IL12RB1: variants seen among roughly 807,000 people sequenced by gnomAD.
The protein encoded by IL12RB1 is interleukin-12 receptor subunit beta-1.
A neutral mutation model predicts 94.4 loss-of-function variants in IL12RB1; 64 were observed. The observed-to-expected ratio is 0.68, with a 90% CI of 0.55 to 0.83. The LOEUF (loss-of-function observed/expected upper bound fraction) is 0.83, where lower values mean the gene tolerates loss of function less well. Among genes scored for constraint, IL12RB1 ranks in the 40% least tolerant of loss-of-function variants. The pLI is 0.00. For missense variants in IL12RB1, 814 were observed against 855.6 expected (o/e 0.95, Z 0.61); for synonymous variants, 362 against 355.5 (o/e 1.02, Z -0.21).
At chr19:18,063,078 ATTTTTTTTTTTTTTTT>A (rs67262412) in intron 13 of IL12RB1, among the ~76,000 whole-genome samples, 96 of 51,462 alleles carry the variant, frequency 1.9e-3, no homozygotes, top group African/African-American at 8.1e-3. Context: ...TTCTTCTTCT[ATTTTTTTTTTTTTTTT>A]TTTTTTTTTT....
At chr19:18,091,840 G>A (rs911498784), upstream of IL12RB1, among the ~76,000 whole-genome samples, 3 of 149,670 alleles carry the variant, frequency 2.0e-5, no homozygotes, top group African/African-American at 7.4e-5. Flanking sequence ...TGAGACACAG[G>A]CCAATGCCAC....
intron 1 of IL12RB1, among the ~76,000 whole-genome samples, chr19:18,093,765 T>C (rs1338510562): frequency 2.6e-5 from 4 of 152,082 alleles, no homozygotes; most frequent in Non-Finnish European, 5.9e-5. Flanking sequence ...GTCAGAACAA[T>C]TGGCCATTGC....
intron 1 of IL12RB1, among the ~76,000 whole-genome samples, chr19:18,094,286 G>A (rs1030352546): frequency 6.6e-5 from 10 of 151,950 alleles, no homozygotes; most frequent in Admixed American, 3.3e-4. Flanking sequence ...GCCCCATTAC[G>A]CCCCCTTAAT....
intron 1 of IL12RB1, among the ~76,000 whole-genome samples, chr19:18,086,014 G>A (rs2036307500): frequency 6.6e-6 from 1 of 151,242 alleles, no homozygotes; most frequent in Admixed American, 6.6e-5. Context: ...CCAGGAGTTC[G>A]AGACCAGCCT....
rs1247403614 is a variant in IL12RB1 at position 18,084,046 on chromosome 19, C to T, written c.65-555G>A. 5.9e-5 allele frequency among the ~76,000 whole-genome samples: 8 copies of T among 135,452 alleles called. No homozygotes were observed. In the East Asian group the frequency reaches 7.6e-4, roughly 13 times the overall value. The allele number at this position is 135,452 out of a possible 152,430, so 88.9% of individuals were successfully genotyped here. A position where few individuals can be genotyped will look rare whatever the true frequency, so the allele number is the denominator to read the frequency against. The stretch of plus-strand genomic sequence containing the variant: ...ATCCATCCATCCATCCATCCATCCA[C>T]CCCACCATCCACCCATTTACCCATC... On this transcript the variant is annotated intron_variant, in intron 1 of 16. Transcript: ENST00000593993.
chr19:18,097,899 C>T (rs1417387300), intron 1 of IL12RB1: 5 of 1,158,164 alleles, frequency 4.3e-6, no homozygotes, highest in Non-Finnish European at 5.4e-6. Flanking sequence ...TGAAAGGTGC[C>T]GGGAGGGGCG....
chr19:18,087,785 A>G (rs2036437761), upstream of IL12RB1, among the ~76,000 whole-genome samples: 1 of 151,178 alleles, frequency 6.6e-6, no homozygotes, highest in Non-Finnish European at 1.5e-5. Flanking sequence ...GCCTACCAAA[A>G]TTCTGGGATC....
intron 1 of IL12RB1, among the ~76,000 whole-genome samples, chr19:18,093,343 T>G (rs2036723362): frequency 1.0e-5 from 1 of 95,602 alleles, no homozygotes; most frequent in Non-Finnish European, 2.3e-5. Flanking sequence ...TATATATATA[T>G]ATATACTTGT....
At chr19:18,068,650 C>A (rs575013704) in intron 10 of IL12RB1, 124 bp from the exon 11 acceptor site, 2 of 754,868 alleles carry the variant, frequency 2.6e-6, no homozygotes, top group Non-Finnish European at 4.7e-6. Context: ...AAAGCCCTTG[C>A]ACCAATATCC....
chr19:18,077,791 A>G, intron 4 of IL12RB1, 136 bp from the exon 5 acceptor site: 1 of 711,332 alleles, frequency 1.4e-6, no homozygotes, highest in South Asian at 1.5e-5. Flanking sequence ...GTCCCAGCTA[A>G]GCCTGGTATA....
Position 18,072,303 on chromosome 19 carries a change from C to T in IL12RB1, c.830G>A (p.Gly277Asp), listed in dbSNP as rs1419753903. 3.7e-6 allele frequency: 6 copies of T among 1,614,028 alleles called. No homozygotes were observed. The highest frequency in any genetic ancestry group is 1.7e-5 in the Admixed American group (1 of 59,994). ...CTGTAGTCGGTAAGTGACCTCCGTG[C>T]CAGGCGCCAGCCCTTGACAGCCTTC... ...LPEGCQGLAP[G>D]TEVTYRLQLH... Residue 277 changes from glycine (G) to aspartate (D), a missense_variant, in exon 9 of 17, where the codon GGC (glycine) becomes GAC (aspartate). Transcript: ENST00000593993.
At chr19:18,063,098 T>C (rs1182294447) in intron 13 of IL12RB1, among the ~76,000 whole-genome samples, 1 of 113,194 alleles carries the variant, frequency 8.8e-6, no homozygotes, top group Non-Finnish European at 1.8e-5. Context: ...TTTTTTTTTT[T>C]TTTTTTTTTT....
chr19:18,080,168 G>A (rs552338297), intron 4 of IL12RB1, among the ~76,000 whole-genome samples: 109 of 151,440 alleles, frequency 7.2e-4, no homozygotes, highest in African/African-American at 2.6e-3. Context: ...CCATTCTCCC[G>A]CCTCAGCCTC....
At chr19:18,068,601 ATCTGCC>A in intron 10 of IL12RB1, 75 bp from the exon 11 acceptor site, 1 of 1,260,546 alleles carries the variant, frequency 7.9e-7, no homozygotes, top group Non-Finnish European at 1.2e-6. Flanking sequence ...TGGCTGTGCC[ATCTGCC>A]AGGAACCCCC....
intron 6 of IL12RB1, 22 bp from the exon 7 acceptor site, chr19:18,075,890 A>G (rs376874105): frequency 2.2e-5 from 35 of 1,611,474 alleles, no homozygotes; most frequent in Non-Finnish European, 2.6e-5. Context: ...CAGGTCGAAC[A>G]TCAGGCCGTA....
At chr19:18,075,982 G>A in intron 6 of IL12RB1, 114 bp from the exon 7 acceptor site, 1 of 1,047,542 alleles carries the variant, frequency 9.5e-7, no homozygotes, top group East Asian at 2.4e-5. Flanking sequence ...CACGTGCTGG[G>A]TCCTGGGGGC....
In IL12RB1 at chr19:18,082,180, G is replaced by A. The variant is rs950913087; in HGVS notation, c.209C>T (p.Thr70Ile). 2.3e-5 allele frequency: 37 copies of A among 1,613,076 alleles called. 1 individual carries two copies. The Admixed American group carries it at 5.8e-4, about 25-fold the overall frequency. ...YECSWQYEGPTAGVSHFLRCC... is the reference protein window; with the variant it reads ...YECSWQYEGPIAGVSHFLRCC... ...CCGCAGGAAGTGGCTGACCCCAGCT[G>A]TGGGACCCTCATACTGCCAGGAGCA... is the stretch of plus-strand genomic sequence containing the variant. The change falls in exon 3 of 17, where the codon ACA becomes ATA. Residue 70 changes from threonine (T) to isoleucine (I), a missense_variant. Coordinates refer to ENST00000593993, the MANE Select transcript of IL12RB1 (RefSeq NM_005535.3).
rs1253598282 is a variant in IL12RB1, at chr19:18,059,901, T to C, written c.1976A>G (p.Lys659Arg). ...ELSLEDGDRC[K>R]AKM ...CCCACTGGGCCCCAGGACCTTGGCCTTGCACCTGTCTCCATCCTCCAAGGA... is the reference window on the plus strand; with the variant it reads ...CCCACTGGGCCCCAGGACCTTGGCCCTGCACCTGTCTCCATCCTCCAAGGA... The change falls in exon 16 of 17, where the codon AAG becomes AGG. Residue 659 changes from lysine to arginine, a missense_variant. Transcript: ENST00000593993. 2 of 1,572,452 alleles carry C rather than the reference T, an allele frequency of 1.3e-6. No homozygotes were observed. The highest frequency in any genetic ancestry group is 3.7e-5 in the Admixed American group (2 of 54,612).
Position 18,086,861 on chromosome 19 carries a change from C to G in IL12RB1, c.-38G>C, listed in dbSNP as rs561588309. On this transcript the variant is annotated 5_prime_UTR_variant, in exon 1 of 17. Coordinates refer to ENST00000593993, the MANE Select transcript of IL12RB1 (RefSeq NM_005535.3). ...GAGCCCCACAGCCCCAGGGGAGCCT[C>G]TCTGCCACCTGCGAGGTTCAGCCAC... is the stretch of plus-strand genomic sequence containing the variant. The G allele has an allele frequency of 1.3e-6, 2 of 1,595,414 alleles. No individual in the cohort carries two copies. The highest frequency in any genetic ancestry group is 1.3e-5 in the African/African-American group (1 of 74,422).
Sources: gnomAD v4.1 joint callset for allele counts (sites outside exome capture counted in the v4.1 genomes callset) on GRCh38, gnomAD v4.1.1 for gene constraint, MANE v1.5 for transcripts, NCBI Gene and HGNC (gene_info 2026-07-23, HGNC 2026-07-21) for gene names.